The following WWOX variants were observed in gnomAD, a reference collection of about 807,000 sequenced individuals.
WWOX encodes the protein WW domain-containing oxidoreductase.
Under a neutral mutation model 46.2 loss-of-function variants are expected in WWOX, and 69 were observed. That is an observed-to-expected ratio of 1.49 (90% CI 1.23 to 1.82). The LOEUF is 1.82. Ranked by LOEUF, WWOX falls within the 40% of genes most tolerant of loss-of-function variation. The pLI is 0.00. For missense variants in WWOX, 919 were observed against 542.6 expected, an observed-to-expected ratio of 1.69 and a Z score of -6.89; for synonymous variants, 359 against 202.6, an observed-to-expected ratio of 1.77 and a Z score of -6.56.
chr16:78,433,445 T>G (rs1423034481), intron 8 of WWOX, among the ~76,000 whole-genome samples: 1 of 152,222 alleles, frequency 6.6e-6, no homozygotes, highest in Non-Finnish European at 1.5e-5. Context: ...GAAGAAAGCG[T>G]ATTTTCCACA....
chr16:78,735,037 T>C (rs1453960981), intron 8 of WWOX, among the ~76,000 whole-genome samples: 1 of 151,322 alleles, frequency 6.6e-6, no homozygotes, highest in African/African-American at 2.4e-5. Flanking sequence ...CAGCTAACTT[T>C]TGTGTTGTTA....
At chr16:78,659,502 G>T (rs2047163409) in intron 8 of WWOX, among the ~76,000 whole-genome samples, 1 of 152,056 alleles carries the variant, frequency 6.6e-6, no homozygotes, top group African/African-American at 2.4e-5. Context: ...ATTCTGTGGT[G>T]CCTAAAGTTT....
At chr16:79,107,018 C>G (rs964804718) in intron 8 of WWOX, among the ~76,000 whole-genome samples, 1 of 152,098 alleles carries the variant, frequency 6.6e-6, no homozygotes, top group Admixed American at 6.5e-5. Context: ...ACCATGGTGG[C>G]CAGGCTGGTC....
At chr16:79,121,306 C>A (rs1015110662) in intron 8 of WWOX, among the ~76,000 whole-genome samples, 1 of 152,174 alleles carries the variant, frequency 6.6e-6, no homozygotes, top group African/African-American at 2.4e-5. Context: ...TTTGTGAAAA[C>A]TCGCTCATGA....
At chr16:78,688,388 C>A (rs1019853529) in intron 8 of WWOX, among the ~76,000 whole-genome samples, 10 of 150,354 alleles carry the variant, frequency 6.7e-5, no homozygotes, top group Admixed American at 3.3e-4. Context: ...AAAAAAAGAT[C>A]CTGACAAATC....
chr16:78,765,612 G>A (rs1444157262), intron 8 of WWOX, among the ~76,000 whole-genome samples: 1 of 152,114 alleles, frequency 6.6e-6, no homozygotes, highest in Non-Finnish European at 1.5e-5. Context: ...CCGGGAGGCA[G>A]ACGTTGCAGT....
intron 8 of WWOX, among the ~76,000 whole-genome samples, chr16:79,038,007 C>G (rs947933319): frequency 1.3e-5 from 2 of 152,092 alleles, no homozygotes; most frequent in Non-Finnish European, 2.9e-5. Flanking sequence ...ATGATGGCAA[C>G]CAGGCTCCAA....
chr16:78,128,130 A>G (rs1222273195), intron 4 of WWOX, among the ~76,000 whole-genome samples: 1 of 152,190 alleles, frequency 6.6e-6, no homozygotes, highest in Middle Eastern at 3.2e-3. Context: ...TTGGAAGAAG[A>G]TGGAGGAAGA....
At chr16:78,260,301 A>G (rs566239985) in intron 5 of WWOX, among the ~76,000 whole-genome samples, 4 of 151,574 alleles carry the variant, frequency 2.6e-5, no homozygotes, top group Admixed American at 2.6e-4. Flanking sequence ...CATCACTAAC[A>G]AACAAGTTCC....
chr16:78,696,044 G>C (rs1263542394), intron 8 of WWOX, among the ~76,000 whole-genome samples: 1 of 152,178 alleles, frequency 6.6e-6, no homozygotes, highest in Non-Finnish European at 1.5e-5. Context: ...GCTGCAGTCT[G>C]TGTTAAGCTT....
intron 5 of WWOX, among the ~76,000 whole-genome samples, chr16:78,198,637 G>C (rs1597342417): frequency 1.3e-5 from 2 of 152,178 alleles, no homozygotes; most frequent in African/African-American, 2.4e-5. Context: ...TTCTTCAGCT[G>C]TTGATTTCAG....
At chr16:78,586,721 G>A (rs1348543718) in intron 8 of WWOX, among the ~76,000 whole-genome samples, 1 of 152,092 alleles carries the variant, frequency 6.6e-6, no homozygotes, top group African/African-American at 2.4e-5. Context: ...CTTTATCATA[G>A]CCCTTATGGT....
chr16:79,080,288 T>A (rs2048735511), intron 8 of WWOX, among the ~76,000 whole-genome samples: 1 of 152,202 alleles, frequency 6.6e-6, no homozygotes, highest in African/African-American at 2.4e-5. Flanking sequence ...CTCTCATCTC[T>A]GCTTTTCTCT....
chr16:78,442,081 G>A (rs1382525479), intron 8 of WWOX, among the ~76,000 whole-genome samples: 1 of 151,654 alleles, frequency 6.6e-6, no homozygotes, highest in Non-Finnish European at 1.5e-5. Flanking sequence ...AGGCTGCAGT[G>A]AGCTATGATG....
intron 6 of WWOX, among the ~76,000 whole-genome samples, chr16:78,400,543 T>C (rs1267336325): frequency 6.6e-6 from 1 of 152,118 alleles, no homozygotes; most frequent in Admixed American, 6.5e-5. Context: ...AAAAAATCTT[T>C]GAGTTTCTGT....
rs1597110362 is a variant in WWOX, at chr16:78,889,009, C to T, written c.1057-322599C>T. On this transcript the variant is annotated intron_variant, in intron 8 of 8. Transcript: ENST00000566780. ...GTCCTCCTCACCACCTCCAGCTCCC[C>T]CTAGAAACTGACCATTTATCCCATC... Among the ~76,000 whole-genome samples the T allele has an allele frequency of 2.0e-5, 3 of 152,176 alleles. No homozygotes were observed. In the South Asian group the frequency reaches 6.2e-4, roughly 32 times the overall value.
At chr16:78,814,365 A>G (rs540877910) in intron 8 of WWOX, among the ~76,000 whole-genome samples, 1 of 152,156 alleles carries the variant, frequency 6.6e-6, no homozygotes, top group Non-Finnish European at 1.5e-5. Flanking sequence ...TATTAATTCA[A>G]ATCATATTCA....
At chr16:78,611,533 G>A (rs974618998) in intron 8 of WWOX, among the ~76,000 whole-genome samples, 1 of 152,150 alleles carries the variant, frequency 6.6e-6, no homozygotes, top group Non-Finnish European at 1.5e-5. Flanking sequence ...GGGAGGTACT[G>A]GCCAGCTCTG....
chr16:78,190,345 C>G (rs908948276), intron 5 of WWOX, among the ~76,000 whole-genome samples: 2 of 152,160 alleles, frequency 1.3e-5, no homozygotes, highest in Non-Finnish European at 2.9e-5. Flanking sequence ...CAAAACAGTT[C>G]TTTTGACCAC....
Sources: allele counts gnomAD v4.1 joint callset (sites outside exome capture counted in the v4.1 genomes callset), GRCh38; gene constraint gnomAD v4.1.1; transcripts MANE v1.5; gene names NCBI Gene and HGNC (gene_info 2026-07-23, HGNC 2026-07-21).